SUPT6H: variants seen among roughly 807,000 people sequenced by gnomAD.
SUPT6H encodes transcription elongation factor SPT6.
SUPT6H carries 11 observed loss-of-function variants against 222.3 expected under a neutral mutation model. The ratio of observed to expected loss-of-function variants is 0.05; its 90% CI spans 0.03 to 0.08. The LOEUF is 0.08. SUPT6H is among the 10% of genes least tolerant of loss of function. The pLI, the probability that SUPT6H is intolerant of heterozygous loss-of-function variation, is 1.00. For missense variants in SUPT6H, 1,422 were observed against 2,216.0 expected (o/e 0.64, Z 7.19); for synonymous variants, 762 against 801.2 (o/e 0.95, Z 0.83).
chr17:28,679,409 C>T (rs1185925169), intron 11 of SUPT6H, among the ~76,000 whole-genome samples: 1 of 152,030 alleles, frequency 6.6e-6, no homozygotes, highest in African/African-American at 2.4e-5. Flanking sequence ...CAAAGCCAGG[C>T]GTGGTGGCTT....
At chr17:28,689,997 G>A in intron 25 of SUPT6H, 85 bp from the exon 26 acceptor site, 2 of 1,492,026 alleles carry the variant, frequency 1.3e-6, no homozygotes, top group Non-Finnish European at 1.8e-6. Context: ...CTCCCATCTG[G>A]AGAGGCCCGC....
chr17:28,678,253 G>GA, intron 9 of SUPT6H, 61 bp downstream of exon 9: 1 of 1,446,268 alleles, frequency 6.9e-7, no homozygotes, highest in Admixed American at 1.9e-5. Flanking sequence ...TGAGGGAAAA[G>GA]ATAATTACCT....
Position 28,697,633 on chromosome 17 carries a change from T to G in SUPT6H, c.4223T>G (p.Leu1408Trp). The stretch of plus-strand genomic sequence containing the variant: ...TTCTTCCCACAGGAATTCGAAGATT[T>G]GGATGAGATTGTTGCTCGCTATGTC... ...LWINSEEFED[L>W]DEIVARYVQP... is the part of the protein sequence containing the mutation. The change falls in exon 31 of 37, where the codon TTG becomes TGG. Residue 1408 changes from leucine to tryptophan, a missense_variant. Physicochemically the swap from Leu to Trp is moderately conservative, Grantham distance 61 (BLOSUM62 -2). Transcript: ENST00000314616. 1 of 1,614,156 alleles carries G rather than the reference T, an allele frequency of 6.2e-7. No homozygotes were observed. Among genetic ancestry groups the G allele is most frequent in the Non-Finnish European group, 8.5e-7 (1 of 1,179,998 alleles).
rs748619621 is a variant in SUPT6H at position 28,684,952 on chromosome 17, G to C, written c.2478G>C (p.Arg826=). Residue 826 remains arginine (R), a synonymous_variant, in exon 19 of 37, where the codon CGG becomes CGC. Transcript: ENST00000314616. ...KRRTAWREEE[R]EKKAQDIETL... is the part of the protein sequence containing the mutation. ...GAACTGCATGGAGAGAGGAAGAGCG[G>C]GAAAAGAAGGCAAGTGGCTAGGACG... is the stretch of plus-strand genomic sequence containing the variant. 1.2e-6 allele frequency: 2 copies of C among 1,613,688 alleles called. No individual in the cohort carries two copies. The highest frequency in any genetic ancestry group is 3.3e-5 in the Admixed American group (2 of 59,960).
intron 8 of SUPT6H, 54 bp downstream of exon 8, chr17:28,677,870 G>GAT: frequency 6.6e-7 from 1 of 1,515,948 alleles, no homozygotes; most frequent in African/African-American, 1.4e-5. Flanking sequence ...ACTTCATCAA[G>GAT]ATGGGGAGCT....
Position 28,662,246 on chromosome 17 carries a change from C to T in SUPT6H, c.-128C>T, listed in dbSNP as rs906740590. 9.9e-6 allele frequency: 2 copies of T among 201,400 alleles called. No individual in the cohort carries two copies. Among genetic ancestry groups the T allele is most frequent in the Admixed American group, 5.3e-5 (1 of 18,742 alleles). The allele number at this position is 201,400 out of a possible 1,614,324, so 12.5% of individuals were successfully genotyped here. On this transcript the variant is annotated 5_prime_UTR_variant, in exon 1 of 37. Transcript: ENST00000314616. ...CGGCGGTGGCGGCGGAGGGGCCGTG[C>T]GGTGGGTCCGTACTATCTTTTCCCA...
chr17:28,677,875 G>T, intron 8 of SUPT6H, 59 bp downstream of exon 8: 1 of 1,502,526 alleles, frequency 6.7e-7, no homozygotes, highest in Non-Finnish European at 9.3e-7. Flanking sequence ...ATCAAGATGG[G>T]GAGCTCTTCC....
rs369542201 is a variant in SUPT6H, at chr17:28,691,076, G to A, written c.3633+13G>A. On this transcript the variant is annotated intron_variant, in intron 27 of 36. Coordinates refer to ENST00000314616, the MANE Select transcript of SUPT6H (RefSeq NM_003170.5). ...TGAACTAAGCGAGGTGTGTGCTGCAGCATTATCCTGCTCAGTGGATTTCCT... is the reference window on the plus strand; with the variant it reads ...TGAACTAAGCGAGGTGTGTGCTGCAACATTATCCTGCTCAGTGGATTTCCT... 125 of 1,611,394 alleles carry A rather than the reference G, an allele frequency of 7.8e-5. No individual in the cohort carries two copies. The African/African-American group carries it at 1.6e-3, about 20-fold the overall frequency.
rs1240111644 is a variant in SUPT6H, at chr17:28,688,226, C to T, written c.3134+8C>T. 1.2e-6 allele frequency: 2 copies of T among 1,612,164 alleles called. No individual in the cohort carries two copies. The highest frequency in any genetic ancestry group is 1.7e-5 in the Admixed American group (1 of 59,872). On this transcript the variant is annotated splice_region_variant and intron_variant, in intron 24 of 36. Coordinates refer to ENST00000314616, the MANE Select transcript of SUPT6H (RefSeq NM_003170.5). This position sits in a 1 kb window ranked among gnomAD's most constrained non-coding sequence, Gnocchi z 4.3. ...GGCCTCCCTGGGGGACAGGTGATGC[C>T]CTCTGCCTGGATGGGGCAGGAGGAA...
chr17:28,696,314 T>C (rs1188826643), intron 29 of SUPT6H, among the ~76,000 whole-genome samples: 3 of 110,550 alleles, frequency 2.7e-5, no homozygotes, highest in Non-Finnish European at 5.6e-5. Flanking sequence ...AAAAAAAAAA[T>C]GGCCAGGCGC....
rs1281104353 is a variant in SUPT6H at position 28,682,970 on chromosome 17, G to C, written c.1756G>C (p.Glu586Gln). The C allele has an allele frequency of 1.2e-6, 2 of 1,613,084 alleles. No individual in the cohort carries two copies. Among genetic ancestry groups the C allele is most frequent in the South Asian group, 2.2e-5 (2 of 90,992 alleles). The change falls in exon 15 of 37, where the codon GAA (glutamate) becomes CAA (glutamine). Residue 586 changes from glutamate to glutamine, a missense_variant. Coordinates refer to ENST00000314616, the MANE Select transcript of SUPT6H (RefSeq NM_003170.5). ...GTTCCCTACTCCAGAAGCTGTGCTA[G>C]AAGGCGCCCGCTACATGGTAGCCCT... Reference protein sequence around the residue: ...SQFPTPEAVLEGARYMVALQI... With the variant: ...SQFPTPEAVLQGARYMVALQI...
chr17:28,678,449 C>G (rs1287574346), intron 9 of SUPT6H, 96 bp from the exon 10 acceptor site: 2 of 1,265,542 alleles, frequency 1.6e-6, no homozygotes, highest in Non-Finnish European at 2.3e-6. Context: ...GTTGAATTTC[C>G]TGGAGCTGTT....
chr17:28,672,445 CT>C (rs1425888479), intron 1 of SUPT6H, among the ~76,000 whole-genome samples: 1 of 150,728 alleles, frequency 6.6e-6, no homozygotes, highest in Non-Finnish European at 1.5e-5. Flanking sequence ...GCAGATTTTG[CT>C]CTTGTTGCCC....
chr17:28,700,305 T>C, intron 34 of SUPT6H, 41 bp from the exon 35 acceptor site: 3 of 1,614,144 alleles, frequency 1.9e-6, no homozygotes, highest in South Asian at 1.1e-5. Context: ...AAAGGGACTT[T>C]CACCTCTAAC....
At chr17:28,681,798 C>T in intron 12 of SUPT6H, 84 bp from the exon 13 acceptor site, 2 of 1,246,528 alleles carry the variant, frequency 1.6e-6, no homozygotes, top group Non-Finnish European at 2.3e-6. Context: ...GCTGGGTACC[C>T]TTTGAGGCTT....
chr17:28,663,827 C>CCTTTTTTTTTTTTTTTTTTT (rs1567681347), intron 1 of SUPT6H, among the ~76,000 whole-genome samples: 106 of 8,346 alleles, frequency 0.013, 3 homozygotes, highest in Non-Finnish European at 0.025. Flanking sequence ...CTGCCCACTC[C>CCTTTTTTTTTTTTTTTTTTT]ATTTTTTTTT....
chr17:28,697,730 C>G lies in SUPT6H; in HGVS notation c.4320C>G (p.Arg1440=). ...KYYQDCSGGD[R]KKLEELLIKT... is the part of the protein sequence containing the mutation. ...ATCAGGACTGCAGCGGTGGGGACCG[C>G]AAGGTAAGCCCAGGGCCCTCTGAGG... The change falls in exon 31 of 37, where the codon CGC becomes CGG. Residue 1440 remains arginine (R), a synonymous_variant. Coordinates refer to ENST00000314616, the MANE Select transcript of SUPT6H (RefSeq NM_003170.5). 6.2e-7 allele frequency: 1 copy of G among 1,614,158 alleles called. No homozygotes were observed. The highest frequency in any genetic ancestry group is 1.1e-5 in the South Asian group (1 of 91,086).
chr17:28,689,312 C>A, intron 24 of SUPT6H, 42 bp from the exon 25 acceptor site: 1 of 1,600,752 alleles, frequency 6.2e-7, no homozygotes, highest in South Asian at 1.1e-5. Context: ...TTACTAGAAG[C>A]TTATCGTTCT....
chr17:28,689,132 GT>G (rs2031528786), intron 24 of SUPT6H: 5 of 535,876 alleles, frequency 9.3e-6, no homozygotes, highest in Non-Finnish European at 1.6e-5. Flanking sequence ...GGATCATATG[GT>G]TCATAGTGTT....
Sources: allele counts gnomAD v4.1 joint callset (sites outside exome capture counted in the v4.1 genomes callset), GRCh38; gene constraint gnomAD v4.1.1; non-coding constraint Gnocchi (gnomAD v3.1); transcripts MANE v1.5; gene names NCBI Gene and HGNC (gene_info 2026-07-23, HGNC 2026-07-21).